CCDC102B: variants seen among roughly 807,000 people sequenced by gnomAD.
CCDC102B encodes coiled-coil domain containing 102B.
In CCDC102B, 75 loss-of-function variants were observed where a neutral mutation model predicts 57.4. The ratio of observed to expected loss-of-function variants is 1.31; its 90% CI spans 1.08 to 1.58. The LOEUF is 1.58. CCDC102B is among the 40% of genes most tolerant of loss of function. The probability of loss-of-function intolerance (pLI) is 0.00; values close to 1 mark genes in which losing one functional copy is unlikely to be tolerated. For missense variants in CCDC102B, 636 were observed against 582.6 expected (o/e 1.09, Z -0.94); for synonymous variants, 206 against 201.9 (o/e 1.02, Z -0.17).
rs964053165 is a variant in CCDC102B at position 68,741,711 on chromosome 18, A to C, written c.-67+25117A>C. 2.0e-3 allele frequency among the ~76,000 whole-genome samples: 159 copies of C among 79,344 alleles called. 1 individual carries two copies. Among genetic ancestry groups the C allele is most frequent in the African/African-American group, 7.2e-3 (149 of 20,578 alleles). 52.1% of individuals were successfully genotyped at this position (79,344 alleles called of 152,430 possible). ...CACACACACACACACACACACACAC[A>C]CACCCCAAGACAATATAGAAAGGTT... is the stretch of plus-strand genomic sequence containing the variant. On this transcript the variant is annotated intron_variant, in intron 2 of 3. Transcript: ENST00000578970.
chr18:68,789,201 T>C (rs1291022424), intron 2 of CCDC102B, among the ~76,000 whole-genome samples: 32 of 152,214 alleles, frequency 2.1e-4, no homozygotes, highest in Admixed American at 2.1e-3. Flanking sequence ...AGAGATCTGC[T>C]GTTAGTCTGA....
intron 2 of CCDC102B, among the ~76,000 whole-genome samples, chr18:68,790,945 G>T (rs746710964): frequency 2.5e-4 from 38 of 152,146 alleles, no homozygotes; most frequent in Non-Finnish European, 4.4e-4. Context: ...GACATTTTTT[G>T]AATTTCACAG....
At position 69,022,222 on chromosome 18, in the gene CCDC102B, T is replaced by TATATATATAAAAAA. The variant is rs1395799223; in HGVS notation, c.1434+11119_1434+11120insTATATATAAAAAAA. ...ATATATATATATATATATATATATA[T>TATATATATAAAAAA]AACACACACACACGCGTGCGTGTGC... On this transcript the variant is annotated intron_variant, in intron 7 of 7. Coordinates refer to ENST00000360242, the MANE Select transcript of CCDC102B (RefSeq NM_024781.3). Among the ~76,000 whole-genome samples, 8 of 95,008 alleles carry TATATATATAAAAAA rather than the reference T, an allele frequency of 8.4e-5. No homozygotes were observed. The East Asian group carries it at 2.7e-3, about 32-fold the overall frequency. 62.3% of individuals were successfully genotyped at this position (95,008 alleles called of 152,430 possible). A position where few individuals can be genotyped will look rare whatever the true frequency, so the allele number is the denominator to read the frequency against.
At chr18:69,004,613 C>T (rs2051290729) in intron 6 of CCDC102B, among the ~76,000 whole-genome samples, 5 of 152,144 alleles carry the variant, frequency 3.3e-5, no homozygotes, top group Admixed American at 2.6e-4. Context: ...GCTTTTCTTC[C>T]ACCCCTCATT....
intron 2 of CCDC102B, among the ~76,000 whole-genome samples, chr18:68,733,937 A>G (rs536014272): frequency 4.6e-5 from 7 of 152,268 alleles, no homozygotes; most frequent in African/African-American, 1.7e-4. Context: ...GCCTCGACTC[A>G]CATGTTGGCT....
At chr18:69,019,658 A>G (rs1401102328) in intron 7 of CCDC102B, among the ~76,000 whole-genome samples, 1 of 152,060 alleles carries the variant, frequency 6.6e-6, no homozygotes, top group Non-Finnish European at 1.5e-5. Flanking sequence ...ATATTGCATC[A>G]TGTCATCTAA....
At chr18:69,013,577 T>G (rs72959926) in intron 7 of CCDC102B, among the ~76,000 whole-genome samples, 1 of 152,146 alleles carries the variant, frequency 6.6e-6, no homozygotes, top group Non-Finnish European at 1.5e-5. Flanking sequence ...TAAGAAAATA[T>G]GTTGAAGTCT....
At position 68,979,977 on chromosome 18, in the gene CCDC102B, G is replaced by GT. The variant is rs199980233; in HGVS notation, c.1264-30950dup. Among the ~76,000 whole-genome samples the GT allele has an allele frequency of 6.1e-4, 93 of 152,050 alleles. 1 individual carries two copies. The East Asian group carries it at 0.016, about 26-fold the overall frequency. Reference sequence around the variant, plus strand: ...AAGGTACCATTCTGGTTTTTGTTTTGTTTTTTTGCTATTGGAGTAGGCGCA... The same window carrying GT: ...AAGGTACCATTCTGGTTTTTGTTTTGTTTTTTTTGCTATTGGAGTAGGCGCA... On this transcript the variant is annotated intron_variant, in intron 6 of 7. Coordinates refer to ENST00000360242, the MANE Select transcript of CCDC102B (RefSeq NM_024781.3).
rs1014591367 is a variant in CCDC102B, at chr18:68,766,467, T to G, written c.-67+49873T>G. Among the ~76,000 whole-genome samples the G allele has an allele frequency of 9.2e-5, 14 of 152,092 alleles. 1 individual carries two copies. Among genetic ancestry groups the G allele is most frequent in the African/African-American group, 2.9e-4 (12 of 41,424 alleles). On this transcript the variant is annotated intron_variant, in intron 2 of 3. Transcript: ENST00000578970. The stretch of plus-strand genomic sequence containing the variant: ...AGTGGAAATTCTTACCCACGTCAAG[T>G]GTGGGATGAGGACAATGGGTTGGCA...
At chr18:68,977,192 G>C (rs531236990) in intron 6 of CCDC102B, among the ~76,000 whole-genome samples, 4 of 152,092 alleles carry the variant, frequency 2.6e-5, no homozygotes, top group South Asian at 2.1e-4. Context: ...GATTGACCTT[G>C]ATATGTTTTC....
rs1568279956 is a variant in CCDC102B, at chr18:68,838,901, C to CA, written c.808dup (p.Ile270AsnfsTer31). The CA allele has an allele frequency of 2.2e-5, 36 of 1,613,596 alleles. No homozygotes were observed. The highest frequency in any genetic ancestry group is 3.1e-5 in the Non-Finnish European group (36 of 1,179,780). The stretch of plus-strand genomic sequence containing the variant: ...TTTGCAGGTGCATTTGGATGAATTC[C>CA]AAAAAATCTTATGGAAGGAAAGAGA... On this transcript the variant is annotated frameshift_variant, in exon 3 of 8. Transcript: ENST00000360242. LOFTEE classifies it high-confidence loss of function.
At chr18:68,950,226 A>G (rs2049656883) in intron 6 of CCDC102B, among the ~76,000 whole-genome samples, 1 of 152,072 alleles carries the variant, frequency 6.6e-6, no homozygotes, top group Non-Finnish European at 1.5e-5. Context: ...AGTGTTGCAA[A>G]CCCTAGAAGA....
At chr18:68,990,724 A>G (rs1326511441) in intron 6 of CCDC102B, among the ~76,000 whole-genome samples, 1 of 152,126 alleles carries the variant, frequency 6.6e-6, no homozygotes, top group African/African-American at 2.4e-5. Flanking sequence ...TTAGGCCCCA[A>G]TCCTATAGAT....
chr18:68,826,542 G>A (rs1311371807), intron 1 of CCDC102B, among the ~76,000 whole-genome samples: 1 of 152,138 alleles, frequency 6.6e-6, no homozygotes, highest in East Asian at 1.9e-4. Flanking sequence ...GTTAGAAGCA[G>A]GTCACAGGGC....
intron 2 of CCDC102B, among the ~76,000 whole-genome samples, chr18:68,782,289 C>T (rs2035030886): frequency 6.6e-6 from 1 of 152,052 alleles, no homozygotes; most frequent in Non-Finnish European, 1.5e-5. Flanking sequence ...TCAACCTATA[C>T]ACCTCTTTGT....
intron 4 of CCDC102B, chr18:68,866,907 G>T: frequency 5.0e-6 from 3 of 594,466 alleles, no homozygotes; most frequent in South Asian, 4.8e-5. Context: ...CACACCTGGA[G>T]TGGGATCTCA....
chr18:68,909,091 TAAA>T (rs539988743), intron 6 of CCDC102B, among the ~76,000 whole-genome samples: 2 of 78,950 alleles, frequency 2.5e-5, no homozygotes, highest in African/African-American at 4.4e-5. Flanking sequence ...TTGGCATGGT[TAAA>T]AAAAAAAAAA....
intron 5 of CCDC102B, among the ~76,000 whole-genome samples, chr18:68,881,188 G>A (rs1195488534): frequency 1.3e-5 from 2 of 152,066 alleles, no homozygotes; most frequent in Non-Finnish European, 2.9e-5. Context: ...AGGCCAAGAA[G>A]CTTTCCCCTT....
chr18:69,036,656 T>A (rs989225312), intron 7 of CCDC102B, among the ~76,000 whole-genome samples: 1 of 152,058 alleles, frequency 6.6e-6, no homozygotes, highest in Non-Finnish European at 1.5e-5. Flanking sequence ...TTGAAATACA[T>A]GCATGAATAA....
Sources: gnomAD v4.1 joint callset for allele counts (sites outside exome capture counted in the v4.1 genomes callset) on GRCh38, gnomAD v4.1.1 for gene constraint, MANE v1.5 for transcripts, NCBI Gene and HGNC (gene_info 2026-07-23, HGNC 2026-07-21) for gene names.